Variants in GPHN observed in about 807,000 individuals in gnomAD.
GPHN encodes gephyrin.
In GPHN, 17 loss-of-function variants were observed where a neutral mutation model predicts 95.5. That is an observed-to-expected ratio of 0.18 (90% CI 0.12 to 0.27). GPHN has a LOEUF of 0.27. GPHN is among the 10% of genes least tolerant of loss of function. GPHN has a pLI of 1.00. For missense variants in GPHN, 660 were observed against 978.1 expected (o/e 0.67, Z 4.34); for synonymous variants, 320 against 322.5 (o/e 0.99, Z 0.08).
At chr14:67,310,529 A>G in the GPHN span, among the ~76,000 whole-genome samples, 1 of 152,142 alleles carries the variant, frequency 6.6e-6, no homozygotes, top group Non-Finnish European at 1.5e-5. Flanking sequence ...GTTGATTTGG[A>G]TGCTAGTTAT....
intron 1 of GPHN, among the ~76,000 whole-genome samples, chr14:66,676,119 G>A (rs1318877821): frequency 6.6e-6 from 1 of 151,972 alleles, no homozygotes; most frequent in East Asian, 1.9e-4. Flanking sequence ...TCTGACTAGT[G>A]AATATTGTAC....
At chr14:66,649,915 T>C (rs1448647099) in intron 1 of GPHN, among the ~76,000 whole-genome samples, 2 of 152,138 alleles carry the variant, frequency 1.3e-5, no homozygotes, top group African/African-American at 4.8e-5. Context: ...ATTATTTTAT[T>C]TACCACTTTC....
chr14:67,325,907 C>T, the GPHN span, among the ~76,000 whole-genome samples: 29 of 150,976 alleles, frequency 1.9e-4, no homozygotes, highest in African/African-American at 6.8e-4. Context: ...CTCCTGGGTT[C>T]GAGCTATTCT....
At chr14:67,637,274 G>A in the GPHN span, among the ~76,000 whole-genome samples, 2 of 151,964 alleles carry the variant, frequency 1.3e-5, no homozygotes, top group Admixed American at 6.6e-5. Context: ...GCTGGGCATG[G>A]TGGTGCATGC....
chr14:67,657,624 C>CACACACACACA, the GPHN span, among the ~76,000 whole-genome samples: 10 of 143,166 alleles, frequency 7.0e-5, no homozygotes, highest in Admixed American at 4.3e-4. Flanking sequence ...ACACACACAC[C>CACACACACACA]CAAAATCAAA....
the GPHN span, among the ~76,000 whole-genome samples, chr14:67,410,574 C>A: frequency 6.6e-6 from 1 of 152,184 alleles, no homozygotes; most frequent in African/African-American, 2.4e-5. Context: ...CAGCTTCTAC[C>A]CTCCTTGCTT....
At chr14:67,569,104 C>A in the GPHN span, 1 of 1,481,602 alleles carries the variant, frequency 6.7e-7, no homozygotes, top group Non-Finnish European at 9.4e-7. Context: ...GGCATCATGC[C>A]GGGCCCTGAG....
chr14:67,332,287 C>T, the GPHN span, among the ~76,000 whole-genome samples: 1 of 152,140 alleles, frequency 6.6e-6, no homozygotes, highest in Non-Finnish European at 1.5e-5. Context: ...ATATAGTTTC[C>T]CAAACTCTGG....
the GPHN span, among the ~76,000 whole-genome samples, chr14:67,640,451 A>C: frequency 1.3e-5 from 2 of 152,176 alleles, no homozygotes; most frequent in Non-Finnish European, 2.9e-5. Flanking sequence ...GGTTGGCCTC[A>C]TGGCTTTTTG....
chr14:67,477,424 C>T, the GPHN span, among the ~76,000 whole-genome samples: 1 of 152,160 alleles, frequency 6.6e-6, no homozygotes, highest in African/African-American at 2.4e-5. Flanking sequence ...CTCTTTCATT[C>T]CCCCAGGTCC....
chr14:66,601,455 C>T (rs1219419642), intron 1 of GPHN, among the ~76,000 whole-genome samples: 2 of 151,872 alleles, frequency 1.3e-5, no homozygotes, highest in East Asian at 3.9e-4. Context: ...TGATTCTAGT[C>T]TTTTGGGAAT....
At chr14:66,722,696 A>C (rs947121997) in intron 2 of GPHN, among the ~76,000 whole-genome samples, 6 of 152,028 alleles carry the variant, frequency 3.9e-5, no homozygotes, top group African/African-American at 1.4e-4. Context: ...CCCCACCTCT[A>C]ATGCTCAAAT....
At chr14:67,109,568 G>GATTTAATT in intron 13 of GPHN, among the ~76,000 whole-genome samples, 1 of 152,232 alleles carries the variant, frequency 6.6e-6, no homozygotes, top group South Asian at 2.1e-4. Flanking sequence ...ATTTTTAAAT[G>GATTTAATT]ATTTAATTAT....
At chr14:66,602,871 A>C (rs1276753205) in intron 1 of GPHN, among the ~76,000 whole-genome samples, 1 of 151,954 alleles carries the variant, frequency 6.6e-6, no homozygotes, top group Admixed American at 6.6e-5. Context: ...CTGTGCCAAG[A>C]GTTATTGAAC....
chr14:66,907,882 TCA>T (rs1461418717), intron 5 of GPHN, among the ~76,000 whole-genome samples: 2 of 151,904 alleles, frequency 1.3e-5, no homozygotes, highest in South Asian at 2.1e-4. Flanking sequence ...CAGTGGGAAA[TCA>T]CATATGTACA....
At chr14:66,996,032 T>G (rs1567193380) in intron 9 of GPHN, 4 of 557,184 alleles carry the variant, frequency 7.2e-6, no homozygotes, top group Non-Finnish European at 1.3e-5. Flanking sequence ...TCTTGACATG[T>G]TTTCAAACTC....
At chr14:67,228,426 T>A in the GPHN span, 4 of 346,130 alleles carry the variant, frequency 1.2e-5, no homozygotes, top group South Asian at 2.4e-4. Context: ...CACCTTTTTT[T>A]AAAATCAGAT....
At chr14:67,143,567 C>T in intron 18 of GPHN, 118 bp downstream of exon 18, 1 of 767,384 alleles carries the variant, frequency 1.3e-6, no homozygotes, top group Admixed American at 1.8e-5. Flanking sequence ...AGCTGAAAAT[C>T]CATGGGGCTT....
At chr14:66,532,586 A>G (rs1470332794) in intron 1 of GPHN, among the ~76,000 whole-genome samples, 1 of 152,240 alleles carries the variant, frequency 6.6e-6, no homozygotes, top group Non-Finnish European at 1.5e-5. Flanking sequence ...AACTATCCTC[A>G]GTATATCATG....
Sources: gnomAD v4.1 joint callset for allele counts (sites outside exome capture counted in the v4.1 genomes callset) on GRCh38, gnomAD v4.1.1 for gene constraint, MANE v1.5 for transcripts, NCBI Gene and HGNC (gene_info 2026-07-23, HGNC 2026-07-21) for gene names.